DMD: variants seen among roughly 807,000 people sequenced by gnomAD.
DMD encodes the protein dystrophin.
A neutral mutation model predicts 330.1 loss-of-function variants in DMD; 63 were observed. That is an observed-to-expected ratio of 0.19 (90% confidence interval 0.16 to 0.24). The LOEUF (loss-of-function observed/expected upper bound fraction) is 0.24, where lower values mean the gene tolerates loss of function less well. DMD is among the 10% of genes least tolerant of loss of function. DMD has a pLI of 1.00. For synonymous variants in DMD, 1,223 were observed against 959.8 expected, an observed-to-expected ratio of 1.27 and a Z score of -5.07; for missense variants, 3,344 against 2,684.1, an observed-to-expected ratio of 1.25 and a Z score of -5.43.
At chrX:32,492,005 T>A (rs1278747236) in intron 19 of DMD, among the ~76,000 whole-genome samples, 2 of 111,531 alleles carry the variant, frequency 1.8e-5, no homozygotes, top group African/African-American at 6.5e-5. Context: ...GGAAAAAAAA[T>A]CCAAGATTAT....
At chrX:32,391,277 A>G (rs2098000523) in intron 30 of DMD, among the ~76,000 whole-genome samples, 1 of 111,455 alleles carries the variant, frequency 9.0e-6, no homozygotes. Flanking sequence ...ATCATTTTGC[A>G]TAACGTATAT....
intron 1 of DMD, among the ~76,000 whole-genome samples, chrX:33,163,552 GTATATATATA>G (rs781153726): frequency 1.1e-5 from 1 of 91,028 alleles, no homozygotes; most frequent in African/African-American, 4.2e-5. Flanking sequence ...ATATATGTGT[GTATATATATA>G]TATATATATA....
intron 9 of DMD, among the ~76,000 whole-genome samples, chrX:32,678,687 G>A (rs978827160): frequency 1.3e-4 from 14 of 111,439 alleles, no homozygotes; most frequent in Non-Finnish European, 2.4e-4. Flanking sequence ...CTCACAGTCA[G>A]AGTTATATTA....
intron 7 of DMD, among the ~76,000 whole-genome samples, chrX:32,773,389 T>G (rs1306985760): frequency 8.9e-6 from 1 of 111,799 alleles, no homozygotes; most frequent in African/African-American, 3.2e-5. Flanking sequence ...CTCAAGCATT[T>G]ATCATTTATG....
At chrX:31,668,111 A>C (rs2081531220) in intron 53 of DMD, among the ~76,000 whole-genome samples, 1 of 112,021 alleles carries the variant, frequency 8.9e-6, no homozygotes, top group Non-Finnish European at 1.9e-5. Context: ...CTTGTAATTA[A>C]GTCATTTATC....
intron 44 of DMD, among the ~76,000 whole-genome samples, chrX:32,004,227 T>C (rs764022635): frequency 1.8e-5 from 2 of 111,414 alleles, no homozygotes; most frequent in South Asian, 7.5e-4. Context: ...CTACTTTACA[T>C]CTAAAAACAC....
chrX:32,943,043 A>G (rs1246630272), intron 2 of DMD, among the ~76,000 whole-genome samples: 1 of 111,938 alleles, frequency 8.9e-6, no homozygotes, highest in East Asian at 2.8e-4. Context: ...CTCTCATAAG[A>G]GAGACTGTAG....
chrX:33,327,525 G>A (rs2054105729), intron 1 of DMD, among the ~76,000 whole-genome samples: 2 of 111,271 alleles, frequency 1.8e-5, no homozygotes, highest in South Asian at 7.6e-4. Flanking sequence ...TAAGAGTTCC[G>A]TATTTAGAAA....
intron 44 of DMD, among the ~76,000 whole-genome samples, chrX:31,996,587 T>A (rs1405740718): frequency 9.0e-6 from 1 of 111,660 alleles, no homozygotes; most frequent in East Asian, 2.8e-4. Context: ...CACATTTTTT[T>A]AGCACTGAAT....
chrX:32,413,831 C>T (rs778283947), intron 29 of DMD, among the ~76,000 whole-genome samples: 21 of 107,703 alleles, frequency 1.9e-4, no homozygotes, highest in Non-Finnish European at 3.6e-4. Context: ...AGTGATTCTC[C>T]TGCCTCAGCC....
chrX:31,187,605 G>A (rs2041891522), intron 67 of DMD, among the ~76,000 whole-genome samples: 1 of 110,852 alleles, frequency 9.0e-6, no homozygotes, highest in Non-Finnish European at 1.9e-5. Context: ...GAAAGAAACA[G>A]TGCACATTAT....
chrX:32,049,566 C>A (rs1028811121), intron 44 of DMD, among the ~76,000 whole-genome samples: 2 of 111,164 alleles, frequency 1.8e-5, no homozygotes, highest in African/African-American at 6.5e-5. Flanking sequence ...TAAGCGAGCC[C>A]CCTCCACAAA....
At chrX:32,468,459 T>C (rs1346896546) in intron 23 of DMD, 39 bp downstream of exon 23, 2 of 1,109,261 alleles carry the variant, frequency 1.8e-6, no homozygotes, top group East Asian at 3.1e-5. Context: ...AAAAAACAAG[T>C]AAATAAAAAT....
Position 31,514,673 on chromosome X carries a change from T to C in DMD, c.8218-7220A>G, listed in dbSNP as rs1447206252. Among the ~76,000 whole-genome samples the C allele has an allele frequency of 3.1e-4, 35 of 112,290 alleles. No homozygotes were observed. In the Admixed American group the frequency reaches 3.3e-3, roughly 11 times the overall value. On this transcript the variant is annotated intron_variant, in intron 55 of 78. Transcript: ENST00000357033. ...ATAGCGTCTAGAACACAAGAGATCT[T>C]TAATAAATAATAGCAAATGCAGGGC...
intron 1 of DMD, among the ~76,000 whole-genome samples, chrX:33,299,737 C>T (rs1206710839): frequency 2.7e-5 from 3 of 111,847 alleles, no homozygotes; most frequent in Non-Finnish European, 5.6e-5. Flanking sequence ...TTACATACTG[C>T]TGATATTTTC....
chrX:33,230,011 T>C (rs889271469), intron 1 of DMD, among the ~76,000 whole-genome samples: 2 of 112,485 alleles, frequency 1.8e-5, no homozygotes, highest in East Asian at 5.6e-4. Context: ...AATGTGCTAT[T>C]GTCTGCTATG....
chrX:31,289,185 G>A (rs1360216009), intron 62 of DMD, among the ~76,000 whole-genome samples: 5 of 102,814 alleles, frequency 4.9e-5, no homozygotes, highest in Admixed American at 1.0e-4. Context: ...AGGCTGAGGC[G>A]GGAGAATCAC....
At chrX:32,887,235 T>C (rs758705457) in intron 2 of DMD, among the ~76,000 whole-genome samples, 2 of 109,028 alleles carry the variant, frequency 1.8e-5, no homozygotes, top group African/African-American at 6.7e-5. Flanking sequence ...TAGTCCCAGC[T>C]ACTTGGGAGG....
At chrX:32,908,448 A>G (rs1319236122) in intron 2 of DMD, among the ~76,000 whole-genome samples, 1 of 112,240 alleles carries the variant, frequency 8.9e-6, no homozygotes, top group East Asian at 2.8e-4. Context: ...TGAGTAATCA[A>G]CCTTTACAAC....
Sources: gnomAD v4.1 joint callset for allele counts (sites outside exome capture counted in the v4.1 genomes callset) on GRCh38, gnomAD v4.1.1 for gene constraint, MANE v1.5 for transcripts, NCBI Gene and HGNC (gene_info 2026-07-23, HGNC 2026-07-21) for gene names.